MACROD2: variants seen among roughly 807,000 people sequenced by gnomAD.
MACROD2 encodes the protein ADP-ribose glycohydrolase MACROD2.
In MACROD2, 36 loss-of-function variants were observed where a neutral mutation model predicts 70.4. The ratio of observed to expected loss-of-function variants is 0.51; its 90% CI spans 0.39 to 0.68. MACROD2 has a LOEUF of 0.68. Among genes scored for constraint, MACROD2 ranks in the 30% least tolerant of loss-of-function variants. The pLI is 0.00. For synonymous variants in MACROD2, 172 were observed against 178.8 expected, an observed-to-expected ratio of 0.96 and a Z score of 0.30; for missense variants, 496 against 538.4, an observed-to-expected ratio of 0.92 and a Z score of 0.78.
At chr20:15,066,030 A>G (rs1325963644) in intron 5 of MACROD2, among the ~76,000 whole-genome samples, 1 of 151,734 alleles carries the variant, frequency 6.6e-6, no homozygotes, top group African/African-American at 2.4e-5. Flanking sequence ...GGAGTATTCT[A>G]TCCGGTGGCT....
At chr20:15,220,135 A>C (rs540552405) in intron 5 of MACROD2, among the ~76,000 whole-genome samples, 1 of 152,130 alleles carries the variant, frequency 6.6e-6, no homozygotes, top group Non-Finnish European at 1.5e-5. Context: ...GAGTCTTTCT[A>C]TGAAGAAACA....
At chr20:15,689,405 C>G (rs1485390355) in intron 8 of MACROD2, among the ~76,000 whole-genome samples, 4 of 151,760 alleles carry the variant, frequency 2.6e-5, no homozygotes, top group African/African-American at 9.7e-5. Context: ...AAAAAGATAA[C>G]AGATTTTCAT....
chr20:14,859,456 G>A (rs2073291596), intron 5 of MACROD2, among the ~76,000 whole-genome samples: 1 of 152,060 alleles, frequency 6.6e-6, no homozygotes, highest in Admixed American at 6.6e-5. Flanking sequence ...GCTAGTCGTT[G>A]TTATTATAAG....
At chr20:14,788,580 CAAAAAAAAAAA>C (rs11477973) in intron 5 of MACROD2, among the ~76,000 whole-genome samples, 1 of 73,282 alleles carries the variant, frequency 1.4e-5, no homozygotes, top group Non-Finnish European at 2.6e-5. Context: ...GATCACATCT[CAAAAAAAAAAA>C]AAAAAAAAAG....
At chr20:15,084,728 CAGTTCTTCCTTGGCAACAGACATTTGA>C (rs1568565368) in intron 5 of MACROD2, among the ~76,000 whole-genome samples, 3 of 152,176 alleles carry the variant, frequency 2.0e-5, no homozygotes, top group African/African-American at 7.2e-5. Context: ...AGCATACATT[CAGTTCTTCCTTGGCAACAGACATTTGA>C]AATGTAATTA....
chr20:15,134,107 C>T (rs1403103849), intron 5 of MACROD2, among the ~76,000 whole-genome samples: 2 of 149,638 alleles, frequency 1.3e-5, no homozygotes, highest in South Asian at 2.1e-4. Flanking sequence ...GGTGTTTCAC[C>T]GTGTTAGCTA....
intron 8 of MACROD2, among the ~76,000 whole-genome samples, chr20:15,737,130 A>G (rs1357537103): frequency 6.6e-6 from 1 of 152,204 alleles, no homozygotes; most frequent in African/African-American, 2.4e-5. Context: ...ACTAGTATGA[A>G]TCCAACTATT....
intron 6 of MACROD2, among the ~76,000 whole-genome samples, chr20:15,259,513 G>GT (rs1365875367): frequency 9.9e-5 from 15 of 151,930 alleles, no homozygotes; most frequent in South Asian, 2.1e-4. Context: ...TGTGGTGATG[G>GT]TTTTTTTAAG....
intron 15 of MACROD2, among the ~76,000 whole-genome samples, chr20:16,002,537 G>A (rs2066724508): frequency 6.6e-6 from 1 of 152,166 alleles, no homozygotes; most frequent in Non-Finnish European, 1.5e-5. Flanking sequence ...GACCACAAGA[G>A]AGCGATTGAG....
At chr20:14,107,309 A>C (rs888369159) in intron 3 of MACROD2, among the ~76,000 whole-genome samples, 1 of 152,194 alleles carries the variant, frequency 6.6e-6, no homozygotes, top group South Asian at 2.1e-4. Flanking sequence ...CAGAAGAAAG[A>C]ATTAATGAGC....
In MACROD2 at chr20:15,386,192, T is replaced by C. The variant is rs1463025514; in HGVS notation, c.541-45213T>C. Among the ~76,000 whole-genome samples the C allele has an allele frequency of 2.0e-5, 3 of 152,186 alleles. No individual in the cohort carries two copies. The East Asian group carries it at 5.8e-4, about 29-fold the overall frequency. ...GTGATTTTAAGTAAAATAGATTACATGTCATGGCTATTAGCAAAGGCAATA... is the reference window on the plus strand; with the variant it reads ...GTGATTTTAAGTAAAATAGATTACACGTCATGGCTATTAGCAAAGGCAATA... On this transcript the variant is annotated intron_variant, in intron 6 of 17. Coordinates refer to ENST00000684519, the MANE Select transcript of MACROD2 (RefSeq NM_001351661.2).
intron 5 of MACROD2, among the ~76,000 whole-genome samples, chr20:14,852,105 A>T (rs2073205426): frequency 6.6e-6 from 1 of 152,146 alleles, no homozygotes. Flanking sequence ...TCTGAAAGTG[A>T]GCCCTCTGGA....
At chr20:14,296,265 A>C (rs372563372) in intron 3 of MACROD2, among the ~76,000 whole-genome samples, 1 of 151,934 alleles carries the variant, frequency 6.6e-6, no homozygotes. Flanking sequence ...GAAGATATGA[A>C]TATCTAAAGA....
intron 8 of MACROD2, among the ~76,000 whole-genome samples, chr20:15,520,269 G>A (rs568244868): frequency 5.3e-5 from 8 of 152,302 alleles, no homozygotes; most frequent in Non-Finnish European, 1.2e-4. Flanking sequence ...GTTCCACATG[G>A]ATGTCAGGAG....
At chr20:15,435,748 A>G (rs2046419799) in intron 7 of MACROD2, among the ~76,000 whole-genome samples, 1 of 152,174 alleles carries the variant, frequency 6.6e-6, no homozygotes, top group South Asian at 2.1e-4. Flanking sequence ...TCTGTGAAGA[A>G]TAGGGATTTC....
chr20:15,429,478 A>T (rs900627608), intron 6 of MACROD2, among the ~76,000 whole-genome samples: 140 of 152,310 alleles, frequency 9.2e-4, no homozygotes, highest in African/African-American at 3.1e-3. Context: ...AGTTGAGCTT[A>T]ACAAAGTCAA....
At chr20:14,577,467 T>G (rs1322755433) in intron 4 of MACROD2, among the ~76,000 whole-genome samples, 1 of 152,160 alleles carries the variant, frequency 6.6e-6, no homozygotes, top group African/African-American at 2.4e-5. Context: ...GTTTTGGAAC[T>G]TAGGTAACTT....
At chr20:15,528,067 G>A (rs767176348) in intron 8 of MACROD2, among the ~76,000 whole-genome samples, 8 of 152,160 alleles carry the variant, frequency 5.3e-5, no homozygotes, top group Non-Finnish European at 5.9e-5. Context: ...TTTGTAGAAA[G>A]ACTAATATAG....
chr20:15,566,741 T>C (rs931778151), intron 8 of MACROD2, among the ~76,000 whole-genome samples: 1 of 152,224 alleles, frequency 6.6e-6, no homozygotes, highest in African/African-American at 2.4e-5. Context: ...TAATCATTTG[T>C]GTGAATAAGC....
Sources: gnomAD v4.1 joint callset for allele counts (sites outside exome capture counted in the v4.1 genomes callset) on GRCh38, gnomAD v4.1.1 for gene constraint, MANE v1.5 for transcripts, NCBI Gene and HGNC (gene_info 2026-07-23, HGNC 2026-07-21) for gene names.